UVSSA: variants seen among roughly 807,000 people sequenced by gnomAD.
UVSSA encodes UV-stimulated scaffold protein A.
In UVSSA, 72 loss-of-function variants were observed where a neutral mutation model predicts 73.9. The ratio of observed to expected loss-of-function variants is 0.97; its 90% CI spans 0.81 to 1.19. UVSSA has a LOEUF of 1.19. Ranked by LOEUF, UVSSA falls within the 50% of genes most tolerant of loss-of-function variation. The pLI, the probability that UVSSA is intolerant of heterozygous loss-of-function variation, is 0.00. For missense variants in UVSSA, 1,150 were observed against 965.0 expected (o/e 1.19, Z -2.54); for synonymous variants, 454 against 391.3 (o/e 1.16, Z -1.89).
intron 8 of UVSSA, among the ~76,000 whole-genome samples, chr4:1,374,171 G>A (rs1718469283): frequency 2.6e-5 from 4 of 152,196 alleles, no homozygotes; most frequent in Admixed American, 2.6e-4. Context: ...GGTTCTTCTG[G>A]GGTCCTGAGC....
At chr4:1,393,128 T>G (rs900478257) in exon 14 of UVSSA, 1 of 152,178 alleles carries the variant, frequency 6.6e-6, no homozygotes, top group African/African-American at 2.4e-5. Context: ...TATTCCGGAA[T>G]TTTTTCTTCT....
chr4:1,367,455 G>T (rs1355344168), intron 8 of UVSSA, among the ~76,000 whole-genome samples: 2 of 152,248 alleles, frequency 1.3e-5, no homozygotes, highest in Non-Finnish European at 2.9e-5. Context: ...ACTCATGTGT[G>T]AAGATATGAC....
rs111512018 is a variant in UVSSA, at chr4:1,383,971, G to A, written c.2036+31G>A. On this transcript the variant is annotated intron_variant, in intron 13 of 13. Coordinates refer to ENST00000389851, the MANE Select transcript of UVSSA (RefSeq NM_020894.4). ...AGTGGCTGCTGGGTCACCTCCCACCGCGTGGCCCCCCCGTGTGAGGGTGTT... is the reference window on the plus strand; with the variant it reads ...AGTGGCTGCTGGGTCACCTCCCACCACGTGGCCCCCCCGTGTGAGGGTGTT... The A allele has an allele frequency of 6.2e-4, 986 of 1,592,608 alleles. 9 individuals carry two copies. The African/African-American group carries it at 0.011, about 18-fold the overall frequency.
chr4:1,359,094 C>T (rs3796616), intron 7 of UVSSA: 44,604 of 152,216 alleles, frequency 0.29, 7,897 homozygotes, highest in Non-Finnish European at 0.4. Context: ...TACTGTTTTC[C>T]TTTTGACGCA....
At position 1,385,608 on chromosome 4, in the gene UVSSA, A is replaced by G. The variant is rs540314379; in HGVS notation, c.2037-260A>G. On this transcript the variant is annotated intron_variant, in intron 13 of 13. Coordinates refer to ENST00000389851, the MANE Select transcript of UVSSA (RefSeq NM_020894.4). Reference sequence around the variant, plus strand: ...GAAGTGCCAAGGTGGGGCTGGGGCCACCTTCACCGCGCAGAACCACCCGCC... The same window carrying G: ...GAAGTGCCAAGGTGGGGCTGGGGCCGCCTTCACCGCGCAGAACCACCCGCC... 5.3e-3 allele frequency: 2,742 copies of G among 516,036 alleles called. 45 individuals are homozygous for G. The highest frequency in any genetic ancestry group is 4.7e-3 in the Non-Finnish European group (1,328 of 284,646). The allele number at this position is 516,036 out of a possible 1,614,324, so 32.0% of individuals were successfully genotyped here.
chr4:1,388,348 G>C (rs376718585), downstream of UVSSA: 67 of 152,278 alleles, frequency 4.4e-4, no homozygotes, highest in African/African-American at 1.4e-3. Flanking sequence ...AGCATTCCTT[G>C]CTGAACTTGT....
downstream of UVSSA, chr4:1,389,416 G>T (rs1720349690): frequency 6.6e-6 from 1 of 152,282 alleles, no homozygotes; most frequent in Non-Finnish European, 1.5e-5. Flanking sequence ...CTGTCACCCA[G>T]GCTGGAGTAC....
chr4:1,373,765 G>C (rs1011417951), intron 8 of UVSSA, among the ~76,000 whole-genome samples: 6 of 152,138 alleles, frequency 3.9e-5, no homozygotes, highest in African/African-American at 7.2e-5. Context: ...ACACCCCTCA[G>C]AGCTCTTAAG....
At position 1,349,694 on chromosome 4, in the gene UVSSA, C is replaced by G; in HGVS notation, c.269C>G (p.Thr90Arg). Residue 90 changes from threonine (T) to arginine (R), a missense_variant, in exon 3 of 14, where the codon ACG becomes AGG. Coordinates refer to ENST00000389851, the MANE Select transcript of UVSSA (RefSeq NM_020894.4). The stretch of plus-strand genomic sequence containing the variant: ...AACTTCCAGGAGTTCCTGGAGCTCA[C>G]GCTGGGCACAGACCCCGCACAGCCT... ...VSNFQEFLEL[T>R]LGTDPAQPLP... The G allele has an allele frequency of 1.9e-6, 3 of 1,614,030 alleles. No homozygotes were observed. In the African/African-American group the frequency reaches 4.0e-5, roughly 22 times the overall value.
At chr4:1,360,494 C>T (rs75747630) in intron 7 of UVSSA, among the ~76,000 whole-genome samples, 6,035 of 152,240 alleles carry the variant, frequency 0.04, 246 homozygotes, top group East Asian at 0.2. Context: ...GTGTAGGCCC[C>T]GGCCTCCTTG....
intron 10 of UVSSA, 147 bp from the exon 11 acceptor site, chr4:1,379,900 G>C: frequency 1.1e-6 from 1 of 874,900 alleles, no homozygotes; most frequent in South Asian, 1.8e-5. Context: ...CCAGCCGGGA[G>C]TGACCGTGTT....
intron 5 of UVSSA, 37 bp downstream of exon 5, chr4:1,353,450 G>A (rs757924417): frequency 1.3e-5 from 19 of 1,443,564 alleles, no homozygotes; most frequent in Non-Finnish European, 1.6e-5. Context: ...GCGCCACCCT[G>A]CCCCGGCTCC....
chr4:1,342,785 C>T (rs1713475148), upstream of UVSSA, among the ~76,000 whole-genome samples: 1 of 152,188 alleles, frequency 6.6e-6, no homozygotes, highest in African/African-American at 2.4e-5. Context: ...AGAAAAAATT[C>T]CTGGCTGTGT....
At chr4:1,374,946 T>C in intron 8 of UVSSA, 1 of 190,728 alleles carries the variant, frequency 5.2e-6, no homozygotes. Flanking sequence ...GCTTGGGTGC[T>C]GGGGAGGGCT....
At chr4:1,377,712 C>T (rs1240626069) in intron 10 of UVSSA, among the ~76,000 whole-genome samples, 4 of 152,138 alleles carry the variant, frequency 2.6e-5, no homozygotes, top group Non-Finnish European at 5.9e-5. Context: ...GGTGAGGACC[C>T]GGTTAGTCCT....
intron 12 of UVSSA, 29 bp downstream of exon 12, chr4:1,381,017 G>A (rs770162691): frequency 2.1e-5 from 33 of 1,602,472 alleles, no homozygotes; most frequent in African/African-American, 2.7e-5. Flanking sequence ...GTCACCGTGG[G>A]AGGCACAGCC....
chr4:1,362,960 A>T (rs1188260355), intron 7 of UVSSA, among the ~76,000 whole-genome samples: 1 of 152,184 alleles, frequency 6.6e-6, no homozygotes, highest in Non-Finnish European at 1.5e-5. Context: ...CAGTGTGCCC[A>T]GCAGCAGATG....
intron 1 of UVSSA, 24 bp from the exon 2 acceptor site, chr4:1,348,066 C>G: frequency 1.3e-6 from 2 of 1,551,246 alleles, no homozygotes; most frequent in Non-Finnish European, 1.8e-6. Flanking sequence ...GGTGATATAG[C>G]ATCTCTGCCT....
Position 1,387,963 on chromosome 4 carries a change from G to C in UVSSA, c.*2002G>C, listed in dbSNP as rs1235636667. ...TTTCTTCAAAAAAAAAAAAAAAGCAGCTGAGATTTTTGATAGGAATTACAT... is the reference window on the plus strand; with the variant it reads ...TTTCTTCAAAAAAAAAAAAAAAGCACCTGAGATTTTTGATAGGAATTACAT... On this transcript the variant is annotated 3_prime_UTR_variant, in exon 14 of 14. Coordinates refer to ENST00000389851, the MANE Select transcript of UVSSA (RefSeq NM_020894.4). 6.7e-6 allele frequency: 1 copy of C among 149,956 alleles called. No individual in the cohort carries two copies. The highest frequency in any genetic ancestry group is 2.4e-5 in the African/African-American group (1 of 40,864). The allele number at this position is 149,956 out of a possible 1,614,324, so 9.3% of individuals were successfully genotyped here.
Sources: gnomAD v4.1 joint callset for allele counts (sites outside exome capture counted in the v4.1 genomes callset) on GRCh38, gnomAD v4.1.1 for gene constraint, MANE v1.5 for transcripts, NCBI Gene and HGNC (gene_info 2026-07-23, HGNC 2026-07-21) for gene names.